The following GLIS3 variants were observed in gnomAD, a reference collection of about 807,000 sequenced individuals.
The protein encoded by GLIS3 is GLIS family zinc finger 3, also known as zinc finger protein GLIS3.
Under a neutral mutation model 78.6 loss-of-function variants are expected in GLIS3, and 53 were observed. That is an observed-to-expected ratio of 0.67 (90% CI 0.54 to 0.85). GLIS3 has a LOEUF of 0.85. Among genes scored for constraint, GLIS3 ranks in the 40% least tolerant of loss-of-function variants. GLIS3 has a pLI of 0.00. For missense variants in GLIS3, 1,703 were observed against 1,231.1 expected (o/e 1.38, Z -5.74); for synonymous variants, 684 against 509.9 (o/e 1.34, Z -4.60).
the GLIS3 span, among the ~76,000 whole-genome samples, chr9:4,384,631 G>T: frequency 6.6e-6 from 1 of 151,370 alleles, no homozygotes; most frequent in African/African-American, 2.4e-5. Context: ...TGGACAGCAA[G>T]ATGCCACCCA....
At chr9:4,016,566 A>G (rs1188154572) in intron 4 of GLIS3, among the ~76,000 whole-genome samples, 1 of 152,196 alleles carries the variant, frequency 6.6e-6, no homozygotes, top group East Asian at 1.9e-4. Context: ...CCCAATGCTG[A>G]AAAACAATGC....
intron 2 of GLIS3, among the ~76,000 whole-genome samples, chr9:4,207,050 T>A (rs1472342037): frequency 1.3e-5 from 2 of 152,100 alleles, no homozygotes; most frequent in African/African-American, 4.8e-5. Context: ...AATAACAGAA[T>A]CCCTAGACCA....
the GLIS3 span, among the ~76,000 whole-genome samples, chr9:4,374,230 T>C: frequency 1.3e-5 from 2 of 152,184 alleles, no homozygotes; most frequent in Non-Finnish European, 2.9e-5. Context: ...CAAGAGAAGT[T>C]ACAAAATGAA....
chr9:3,866,796 G>A (rs1267311038), intron 8 of GLIS3, among the ~76,000 whole-genome samples: 2 of 152,218 alleles, frequency 1.3e-5, no homozygotes, highest in Non-Finnish European at 2.9e-5. Context: ...AGGGAGAGGT[G>A]TGAACATATA....
intron 9 of GLIS3, among the ~76,000 whole-genome samples, chr9:3,847,094 G>C (rs972223854): frequency 2.6e-5 from 4 of 152,146 alleles, no homozygotes; most frequent in Admixed American, 2.0e-4. Context: ...TGAAGCAGGA[G>C]AATCACTTGA....
intron 4 of GLIS3, among the ~76,000 whole-genome samples, chr9:4,046,323 G>A (rs1477935187): frequency 6.6e-6 from 1 of 152,142 alleles, no homozygotes; most frequent in Non-Finnish European, 1.5e-5. Context: ...ATCTTCACAG[G>A]CACAGTGCTG....
chr9:4,091,660 T>G (rs1012163122), intron 4 of GLIS3, among the ~76,000 whole-genome samples: 2 of 152,018 alleles, frequency 1.3e-5, no homozygotes, highest in African/African-American at 4.8e-5. Context: ...ATGGCGAGCA[T>G]CCCCCTTCGC....
intron 2 of GLIS3, among the ~76,000 whole-genome samples, chr9:4,135,792 T>A (rs1833363837): frequency 6.6e-6 from 1 of 152,180 alleles, no homozygotes; most frequent in Non-Finnish European, 1.5e-5. Flanking sequence ...CCATCTGCTA[T>A]GCAAAAACAG....
At chr9:4,233,159 T>C (rs1822423487) in intron 2 of GLIS3, among the ~76,000 whole-genome samples, 2 of 152,218 alleles carry the variant, frequency 1.3e-5, no homozygotes, top group African/African-American at 4.8e-5. Context: ...CAGGCTGTCT[T>C]TGATCTTCAA....
intron 2 of GLIS3, among the ~76,000 whole-genome samples, chr9:4,142,024 C>T (rs1004614353): frequency 1.3e-5 from 2 of 152,126 alleles, no homozygotes; most frequent in Non-Finnish European, 2.9e-5. Flanking sequence ...AATCCAGACA[C>T]GGTACCAGCA....
the GLIS3 span, among the ~76,000 whole-genome samples, chr9:4,483,126 A>C: frequency 6.6e-6 from 1 of 152,194 alleles, no homozygotes; most frequent in Non-Finnish European, 1.5e-5. Flanking sequence ...CAATAAAGTA[A>C]AAAAGAATCG....
intron 4 of GLIS3, among the ~76,000 whole-genome samples, chr9:4,057,752 G>T (rs536398753): frequency 5.9e-5 from 9 of 151,996 alleles, no homozygotes; most frequent in African/African-American, 2.2e-4. Context: ...GTACCAAAAG[G>T]AACCTTTGAC....
At chr9:4,392,834 G>C in the GLIS3 span, among the ~76,000 whole-genome samples, 2 of 152,038 alleles carry the variant, frequency 1.3e-5, no homozygotes, top group East Asian at 3.8e-4. Flanking sequence ...ACACACAAGA[G>C]TACATTACAC....
the GLIS3 span, among the ~76,000 whole-genome samples, chr9:4,461,574 C>T: frequency 6.6e-6 from 1 of 152,206 alleles, no homozygotes; most frequent in Non-Finnish European, 1.5e-5. Flanking sequence ...CTACTCCTCC[C>T]TCCAAAATCC....
chr9:4,093,906 C>T (rs1261499884), intron 4 of GLIS3, among the ~76,000 whole-genome samples: 1 of 152,216 alleles, frequency 6.6e-6, no homozygotes, highest in Non-Finnish European at 1.5e-5. Flanking sequence ...CCTTATAATA[C>T]CTCATCTCAG....
At chr9:3,897,903 A>G (rs1322016108) in intron 7 of GLIS3, among the ~76,000 whole-genome samples, 2 of 152,212 alleles carry the variant, frequency 1.3e-5, no homozygotes, top group African/African-American at 2.4e-5. Flanking sequence ...CAACCCACAG[A>G]AAATAGAAAA....
the GLIS3 span, among the ~76,000 whole-genome samples, chr9:4,480,740 C>A: frequency 1.3e-5 from 2 of 151,822 alleles, no homozygotes; most frequent in East Asian, 3.9e-4. Flanking sequence ...TAATATTACC[C>A]TTAACACACA....
chr9:4,385,500 C>T, the GLIS3 span, among the ~76,000 whole-genome samples: 62 of 151,760 alleles, frequency 4.1e-4, no homozygotes, highest in Admixed American at 4.1e-3. Context: ...CCTGTCTCTA[C>T]TAAAAAATAC....
intron 4 of GLIS3, among the ~76,000 whole-genome samples, chr9:4,070,520 G>A (rs10974316): frequency 0.11 from 17,051 of 151,748 alleles, 2,148 homozygotes; most frequent in African/African-American, 0.28. Context: ...GTGTGTGTGC[G>A]TGTGCGTAAG....
Sources: allele counts gnomAD v4.1 joint callset (sites outside exome capture counted in the v4.1 genomes callset), GRCh38; gene constraint gnomAD v4.1.1; transcripts MANE v1.5; gene names NCBI Gene and HGNC (gene_info 2026-07-23, HGNC 2026-07-21).